Variants in CUX1 observed in about 807,000 individuals in gnomAD.
CUX1 encodes cut like homeobox 1, also known as protein CASP.
CUX1 carries 31 observed loss-of-function variants against 158.8 expected under a neutral mutation model. The observed-to-expected ratio is 0.20, with a 90% CI of 0.15 to 0.26. CUX1 has a LOEUF of 0.26. Ranked by LOEUF, CUX1 falls within the 10% of genes least tolerant of loss-of-function variation. CUX1 has a pLI of 1.00. For missense variants in CUX1, 1,589 were observed against 2,014.6 expected (o/e 0.79, Z 4.04); for synonymous variants, 879 against 862.1 (o/e 1.02, Z -0.34).
intron 1 of CUX1, among the ~76,000 whole-genome samples, chr7:101,857,016 C>A (rs1796919756): frequency 6.6e-6 from 1 of 152,222 alleles, no homozygotes; most frequent in Non-Finnish European, 1.5e-5. Context: ...GAAGTCCTGC[C>A]CAGCTCCGGT....
intron 4 of CUX1, among the ~76,000 whole-genome samples, chr7:102,073,182 TTTTTTTTC>T (rs1439329451): frequency 8.4e-5 from 11 of 131,460 alleles, no homozygotes; most frequent in Non-Finnish European, 1.6e-4. Context: ...TTTTTTTTTT[TTTTTTTTC>T]TGAGACAGAG....
chr7:102,041,325 G>A (rs1016173911), intron 3 of CUX1, among the ~76,000 whole-genome samples: 1 of 137,864 alleles, frequency 7.3e-6, no homozygotes, highest in Non-Finnish European at 1.5e-5. Context: ...GAGTGCAGTG[G>A]CTCACCATAA....
At chr7:101,966,438 C>T (rs1421695230) in intron 2 of CUX1, among the ~76,000 whole-genome samples, 1 of 151,792 alleles carries the variant, frequency 6.6e-6, no homozygotes, top group Non-Finnish European at 1.5e-5. Flanking sequence ...AGAGTTGATA[C>T]TCATTGAAAG....
chr7:101,913,122 A>G lies in CUX1; in HGVS notation c.31-2993A>G, dbSNP rs548393416. On this transcript the variant is annotated intron_variant, in intron 1 of 23. Transcript: ENST00000292535. Reference sequence around the variant, plus strand: ...CGTCCTTCAGAAAGGATTTGGTGGTACTGGTTTTTATGTGTGTGTGTGTTG... The same window carrying G: ...CGTCCTTCAGAAAGGATTTGGTGGTGCTGGTTTTTATGTGTGTGTGTGTTG... 7.1e-5 allele frequency: 15 copies of G among 212,440 alleles called. No individual in the cohort carries two copies. The South Asian group carries it at 7.6e-4, about 11-fold the overall frequency. 13.2% of individuals were successfully genotyped at this position (212,440 alleles called of 1,614,324 possible).
intron 13 of CUX1, 140 bp downstream of exon 13, chr7:102,194,030 A>G: frequency 1.2e-6 from 1 of 827,022 alleles, no homozygotes; most frequent in African/African-American, 1.7e-5. Flanking sequence ...AAGAACATTT[A>G]ACCAAGTTGA....
chr7:101,880,203 C>T (rs1028964532), intron 1 of CUX1, among the ~76,000 whole-genome samples: 5 of 152,040 alleles, frequency 3.3e-5, no homozygotes, highest in Admixed American at 2.0e-4. Context: ...CAAAAAACTC[C>T]GAGGAACAGG....
chr7:101,853,512 A>C (rs971612554), intron 1 of CUX1, among the ~76,000 whole-genome samples: 3 of 151,964 alleles, frequency 2.0e-5, no homozygotes, highest in African/African-American at 7.3e-5. Flanking sequence ...TTTTGGTCCC[A>C]GTTAGAGGTT....
In CUX1 at chr7:101,982,883, C is replaced by T. The variant is rs567715306; in HGVS notation, c.142-45215C>T. On this transcript the variant is annotated intron_variant, in intron 2 of 23. Transcript: ENST00000292535. ...CTATCCCTCCCCCCTCCCCCCACCC[C>T]ATGACAAGCCCCGGTGTGTGATGTT... is the stretch of plus-strand genomic sequence containing the variant. 1.3e-4 allele frequency among the ~76,000 whole-genome samples: 18 copies of T among 138,410 alleles called. No individual in the cohort carries two copies. In the East Asian group the frequency reaches 3.5e-3, roughly 27 times the overall value. 90.8% of individuals were successfully genotyped at this position (138,410 alleles called of 152,430 possible). A position where few individuals can be genotyped will look rare whatever the true frequency, so the allele number is the denominator to read the frequency against.
rs1554512885 is a variant in CUX1, at chr7:102,178,649, A to G, written c.1009A>G (p.Thr337Ala). 6.2e-7 allele frequency: 1 copy of G among 1,608,706 alleles called. No homozygotes were observed. The highest frequency in any genetic ancestry group is 2.2e-5 in the East Asian group (1 of 44,672). The change falls in exon 11 of 24, where the codon ACA (threonine) becomes GCA (alanine). Residue 337 changes from threonine (T) to alanine (A), a missense_variant. By Grantham distance (58) the Thr-to-Ala change is moderately conservative. Transcript: ENST00000292535. ...GCAGCAGCTGAGCGCCAAAAACAGC[A>G]CACTCAAAGTAAGGGGGCTGCGGGG... ...LEQQLSAKNS[T>A]LKQLEEKLKG... is the part of the protein sequence containing the mutation.
At chr7:102,177,700 A>C (rs1554512409) in intron 10 of CUX1, among the ~76,000 whole-genome samples, 1 of 151,858 alleles carries the variant, frequency 6.6e-6, no homozygotes, top group East Asian at 1.9e-4. Flanking sequence ...TCACCATCTC[A>C]GTGAGTCTTT....
rs926984551 is a variant in CUX1 at position 102,102,313 on chromosome 7, A to T, written c.407-2023A>T. Reference sequence around the variant, plus strand: ...GTGGTGCGCGCCTGTAATCTCAGCTACTCGGGAGGCTGAGGCAGGAGAATT... The same window carrying T: ...GTGGTGCGCGCCTGTAATCTCAGCTTCTCGGGAGGCTGAGGCAGGAGAATT... On this transcript the variant is annotated intron_variant, in intron 5 of 23. Coordinates refer to ENST00000292535, the MANE Select transcript of CUX1 (RefSeq NM_181552.4). Among the ~76,000 whole-genome samples, 3 of 148,816 alleles carry T rather than the reference A, an allele frequency of 2.0e-5. No homozygotes were observed. In the East Asian group the frequency reaches 6.0e-4, roughly 30 times the overall value.
chr7:101,925,716 T>C (rs1027574502), intron 2 of CUX1, among the ~76,000 whole-genome samples: 1 of 152,120 alleles, frequency 6.6e-6, no homozygotes, highest in Non-Finnish European at 1.5e-5. Flanking sequence ...TGGATTGCTT[T>C]TGCTCAGGAG....
In CUX1 at chr7:101,869,159, A is replaced by G. The variant is rs1442533471; in HGVS notation, c.31-46956A>G. Among the ~76,000 whole-genome samples the G allele has an allele frequency of 6.6e-6, 1 of 151,620 alleles. No homozygotes were observed. The highest frequency in any genetic ancestry group is 6.6e-5 in the Admixed American group (1 of 15,240). ...GAGTCATTCCACCTGGGATGTGGGAATGGCTGGTGGGGGCAGGTAGGGGGA... is the reference window on the plus strand; with the variant it reads ...GAGTCATTCCACCTGGGATGTGGGAGTGGCTGGTGGGGGCAGGTAGGGGGA... On this transcript the variant is annotated intron_variant, in intron 1 of 23. Transcript: ENST00000292535. The surrounding 1 kb of genome is among the most constrained non-coding windows in gnomAD (Gnocchi z 4.5).
rs1586092672 is a variant in CUX1, at chr7:102,182,982, T to C, written c.1017+4325T>C. 2.6e-5 allele frequency among the ~76,000 whole-genome samples: 4 copies of C among 152,300 alleles called. No homozygotes were observed. The East Asian group carries it at 7.7e-4, about 29-fold the overall frequency. On this transcript the variant is annotated intron_variant, in intron 11 of 23. Coordinates refer to ENST00000292535, the MANE Select transcript of CUX1 (RefSeq NM_181552.4). ...GATGGTCACATGCGTTAGAATCACC[T>C]AGGGGTCTTTTCCAAACTGCTTCTC...
At chr7:102,076,522 AG>A (rs2130680765) in intron 4 of CUX1, among the ~76,000 whole-genome samples, 1 of 152,250 alleles carries the variant, frequency 6.6e-6, no homozygotes, top group East Asian at 1.9e-4. Flanking sequence ...ATTTGCCACC[AG>A]ATCGCTTCTT....
At chr7:102,178,777 T>C in intron 11 of CUX1, 120 bp downstream of exon 11, 2 of 1,075,762 alleles carry the variant, frequency 1.9e-6, no homozygotes, top group Non-Finnish European at 2.7e-6. Flanking sequence ...ACCTTGAACC[T>C]CTGTAAAGTA....
chr7:101,915,215 C>G (rs2129084344), intron 1 of CUX1, among the ~76,000 whole-genome samples: 1 of 152,234 alleles, frequency 6.6e-6, no homozygotes, highest in South Asian at 2.1e-4. Context: ...CTGCTGTCAG[C>G]CTGGAACACC....
At chr7:101,832,038 T>C (rs942995121) in intron 1 of CUX1, among the ~76,000 whole-genome samples, 2 of 152,142 alleles carry the variant, frequency 1.3e-5, no homozygotes, top group Non-Finnish European at 2.9e-5. Context: ...TGAGCTGCCA[T>C]GCCTAGCCCC....
intron 1 of CUX1, among the ~76,000 whole-genome samples, chr7:101,887,027 GGACCAGGCACAGC>G (rs1322091087): frequency 6.6e-6 from 1 of 152,178 alleles, no homozygotes; most frequent in African/African-American, 2.4e-5. Flanking sequence ...CCCAAAGGAT[GGACCAGGCACAGC>G]GTGGGGCCCA....
Sources: gnomAD v4.1 joint callset for allele counts (sites outside exome capture counted in the v4.1 genomes callset) on GRCh38, gnomAD v4.1.1 for gene constraint, Gnocchi (gnomAD v3.1) non-coding constraint, MANE v1.5 for transcripts, NCBI Gene and HGNC (gene_info 2026-07-23, HGNC 2026-07-21) for gene names.